The following LRGUK variants were observed in gnomAD, a reference collection of about 807,000 sequenced individuals.
LRGUK encodes leucine-rich repeat and guanylate kinase domain-containing protein.
LRGUK carries 65 observed loss-of-function variants against 76.0 expected under a neutral mutation model. That is an observed-to-expected ratio of 0.85 (90% confidence interval 0.70 to 1.05). The LOEUF (loss-of-function observed/expected upper bound fraction) is 1.05. Ranked by LOEUF, LRGUK falls within the 50% of genes least tolerant of loss-of-function variation. The pLI is 0.00. For synonymous variants in LRGUK, 268 were observed against 265.6 expected, an observed-to-expected ratio of 1.01 and a Z score of -0.09; for missense variants, 758 against 732.8, an observed-to-expected ratio of 1.03 and a Z score of -0.40.
chr7:134,225,009 G>A (rs1046624656), intron 16 of LRGUK, among the ~76,000 whole-genome samples: 12 of 150,458 alleles, frequency 8.0e-5, no homozygotes, highest in South Asian at 4.2e-4. Flanking sequence ...CGGAGATCTC[G>A]CCACTGCACT....
At chr7:134,231,943 CCTT>C (rs1245538541) in intron 16 of LRGUK, among the ~76,000 whole-genome samples, 2 of 151,790 alleles carry the variant, frequency 1.3e-5, no homozygotes, top group Non-Finnish European at 2.9e-5. Context: ...CCTTCTTTTG[CCTT>C]CTTCCCATTT....
At chr7:134,181,494 A>C (rs1799746834) in intron 10 of LRGUK, among the ~76,000 whole-genome samples, 1 of 148,324 alleles carries the variant, frequency 6.7e-6, no homozygotes, top group South Asian at 2.2e-4. Flanking sequence ...TTTCAGGTAT[A>C]ATGTGTGCCC....
chr7:134,205,132 G>T (rs1800948823), intron 15 of LRGUK, among the ~76,000 whole-genome samples: 1 of 152,158 alleles, frequency 6.6e-6, no homozygotes, highest in Admixed American at 6.5e-5. Context: ...ATTTGTCCAG[G>T]GAATGGACAT....
Position 134,258,424 on chromosome 7 carries a change from G to A in LRGUK, c.2347+19G>A, listed in dbSNP as rs775736864. ...CGGAAAGGTATGAGTTAGGCCAAGC[G>A]CGGTGGCTCATGCCTGTAATCCCAG... On this transcript the variant is annotated intron_variant, in intron 19 of 19. Coordinates refer to the LRGUK transcript ENST00000285928. 27 of 1,610,468 alleles carry A rather than the reference G, an allele frequency of 1.7e-5. No homozygotes were observed. Among genetic ancestry groups the A allele is most frequent in the Middle Eastern group, 1.7e-4 (1 of 6,036 alleles).
chr7:134,163,402 T>A (rs771080478), exon 7 of LRGUK: 2 of 1,611,098 alleles, frequency 1.2e-6, no homozygotes, highest in Admixed American at 1.7e-5. Flanking sequence ...TTTAGAGCAA[T>A]AACCAGATTG....
At chr7:134,221,905 A>G in exon 16 of LRGUK, 2 of 1,595,068 alleles carry the variant, frequency 1.3e-6, no homozygotes, top group Non-Finnish European at 8.5e-7. Context: ...CTTTCAGCCA[A>G]AAAAACACCA....
chr7:134,134,461 C>T (rs1244298961), intron 1 of LRGUK, among the ~76,000 whole-genome samples: 3 of 152,116 alleles, frequency 2.0e-5, no homozygotes, highest in South Asian at 2.1e-4. Context: ...GACCAAAGAT[C>T]GGAAGGAGAG....
intron 4 of LRGUK, among the ~76,000 whole-genome samples, chr7:134,146,834 T>A (rs553514857): frequency 1.4e-3 from 209 of 152,198 alleles, no homozygotes; most frequent in Non-Finnish European, 2.3e-3. Context: ...CATGGAAAAA[T>A]TAGAATAGTG....
downstream of LRGUK, among the ~76,000 whole-genome samples, chr7:134,213,786 T>C (rs1801358421): frequency 6.6e-6 from 1 of 152,166 alleles, no homozygotes. Flanking sequence ...ACAGGAGATT[T>C]TTAGTGCTAT....
At chr7:134,201,971 C>T (rs186316345) in intron 15 of LRGUK, among the ~76,000 whole-genome samples, 20 of 152,146 alleles carry the variant, frequency 1.3e-4, no homozygotes, top group Admixed American at 1.0e-3. Context: ...TTTGCGTTAC[C>T]CGAGTCCTCA....
chr7:134,257,912 A>T (rs931629028), intron 18 of LRGUK, among the ~76,000 whole-genome samples: 4 of 152,198 alleles, frequency 2.6e-5, no homozygotes, highest in Non-Finnish European at 5.9e-5. Flanking sequence ...TCCTTGAAAT[A>T]GCACTGATTC....
intron 6 of LRGUK, among the ~76,000 whole-genome samples, chr7:134,161,839 C>T (rs1056097973): frequency 2.6e-5 from 4 of 151,504 alleles, no homozygotes; most frequent in Non-Finnish European, 5.9e-5. Context: ...TACAGGCACC[C>T]GCCACCACGC....
At chr7:134,202,543 G>A (rs143871026) in intron 15 of LRGUK, among the ~76,000 whole-genome samples, 1 of 152,266 alleles carries the variant, frequency 6.6e-6, no homozygotes, top group Non-Finnish European at 1.5e-5. Flanking sequence ...GCACACCCAT[G>A]TTTTTAGCAG....
rs1800644189 is a variant in LRGUK at position 134,199,218 on chromosome 7, AGG to A, written c.1546_1547del (p.Gly516CysfsTer10). 1 of 1,611,826 alleles carries A rather than the reference AGG, an allele frequency of 6.2e-7. No individual in the cohort carries two copies. Among genetic ancestry groups the A allele is most frequent in the African/African-American group, 1.3e-5 (1 of 74,858 alleles). On this transcript the variant is annotated splice_acceptor_variant and coding_sequence_variant, in exon 14 of 16. Transcript: ENST00000645682. LOFTEE classifies it high-confidence loss of function. ...ATTTATTATCTTCCTTTTAATGCAC[AGG>A]GTGTAAGAAGTTTGAAATATTCCTA...
intron 11 of LRGUK, among the ~76,000 whole-genome samples, chr7:134,188,609 G>A (rs1323879749): frequency 6.6e-6 from 1 of 152,124 alleles, no homozygotes; most frequent in Non-Finnish European, 1.5e-5. Context: ...AGTATGTGCT[G>A]GAATCTTTTG....
intron 3 of LRGUK, among the ~76,000 whole-genome samples, chr7:134,142,166 T>C (rs1797793000): frequency 6.6e-6 from 1 of 152,100 alleles, no homozygotes; most frequent in Non-Finnish European, 1.5e-5. Flanking sequence ...CAGGAGGTTG[T>C]AATAGCGCAT....
downstream of LRGUK, among the ~76,000 whole-genome samples, chr7:134,211,735 G>A (rs941534191): frequency 6.6e-6 from 1 of 152,208 alleles, no homozygotes; most frequent in Non-Finnish European, 1.5e-5. Flanking sequence ...ACATTTAAGT[G>A]AATCAGTTGT....
At chr7:134,138,943 T>A (rs935442916) in intron 2 of LRGUK, among the ~76,000 whole-genome samples, 1 of 152,140 alleles carries the variant, frequency 6.6e-6, no homozygotes, top group Non-Finnish European at 1.5e-5. Context: ...ATTTCACAGG[T>A]GTGTTTGATC....
intron 15 of LRGUK, among the ~76,000 whole-genome samples, chr7:134,204,608 A>G (rs1334671270): frequency 6.6e-6 from 1 of 152,208 alleles, no homozygotes; most frequent in Non-Finnish European, 1.5e-5. Flanking sequence ...TATCTTATCT[A>G]GACAATTAAT....
Sources: gnomAD v4.1 joint callset for allele counts (sites outside exome capture counted in the v4.1 genomes callset) on GRCh38, gnomAD v4.1.1 for gene constraint, MANE v1.5 for transcripts, NCBI Gene and HGNC (gene_info 2026-07-23, HGNC 2026-07-21) for gene names.